Variants in TACC2 observed in about 807,000 individuals in gnomAD.
The protein encoded by TACC2 is transforming acidic coiled-coil containing protein 2.
Under a neutral mutation model 227.3 loss-of-function variants are expected in TACC2, and 137 were observed. The ratio of observed to expected loss-of-function variants is 0.60; its 90% CI spans 0.52 to 0.69. TACC2 has a LOEUF of 0.69. Among genes scored for constraint, TACC2 ranks in the 30% least tolerant of loss-of-function variants. The pLI, the probability that TACC2 is intolerant of heterozygous loss-of-function variation, is 0.00. For synonymous variants in TACC2, 1,523 were observed against 1,487.5 expected (o/e 1.02, Z -0.55); for missense variants, 3,470 against 3,694.4 (o/e 0.94, Z 1.57).
intron 5 of TACC2, among the ~76,000 whole-genome samples, chr10:122,119,944 G>GA (rs1736748518): frequency 1.5e-5 from 2 of 137,406 alleles, no homozygotes; most frequent in Admixed American, 7.3e-5. Context: ...AAAAGAAAAA[G>GA]AAAAAAAGGA....
intron 14 of TACC2, 63 bp downstream of exon 14, chr10:122,228,071 AC>A: frequency 6.5e-7 from 1 of 1,532,784 alleles, no homozygotes; most frequent in South Asian, 1.2e-5. Flanking sequence ...GCGTATTGTC[AC>A]CAAGAAGGCC....
At chr10:122,010,719 A>G (rs1158726421) in intron 1 of TACC2, among the ~76,000 whole-genome samples, 1 of 152,226 alleles carries the variant, frequency 6.6e-6, no homozygotes, top group Non-Finnish European at 1.5e-5. Flanking sequence ...TTAGATCTTC[A>G]TGACTGCCAG....
At chr10:122,143,442 C>T in intron 6 of TACC2, 130 bp from the exon 7 acceptor site, 1 of 983,106 alleles carries the variant, frequency 1.0e-6, no homozygotes, top group Non-Finnish European at 1.4e-6. Context: ...AGCCGGGGAG[C>T]CAAGTGCTGG....
chr10:121,992,087 T>G (rs12264894), intron 1 of TACC2, among the ~76,000 whole-genome samples: 23,021 of 152,164 alleles, frequency 0.15, 2,168 homozygotes, highest in Admixed American at 0.24. Flanking sequence ...TAAGATGAGA[T>G]CCGGGTGGGG....
intron 10 of TACC2, among the ~76,000 whole-genome samples, chr10:122,216,424 A>G (rs2095408449): frequency 6.6e-6 from 1 of 150,880 alleles, no homozygotes; most frequent in Non-Finnish European, 1.5e-5. Flanking sequence ...GAAACAAACC[A>G]TCATAAAAGG....
At chr10:122,132,509 A>C in intron 5 of TACC2, 100 bp from the exon 6 acceptor site, 1 of 1,433,472 alleles carries the variant, frequency 7.0e-7, no homozygotes, top group South Asian at 1.2e-5. Flanking sequence ...AGATCGCGCC[A>C]TTGCCCTCCA....
intron 11 of TACC2, among the ~76,000 whole-genome samples, chr10:122,224,102 A>C (rs1439438053): frequency 6.6e-6 from 1 of 152,200 alleles, no homozygotes; most frequent in African/African-American, 2.4e-5. Context: ...AATTTGAAAC[A>C]GGTCATTTCT....
chr10:122,105,831 C>T (rs187882280), intron 5 of TACC2, among the ~76,000 whole-genome samples: 397 of 151,512 alleles, frequency 2.6e-3, no homozygotes, highest in African/African-American at 9.2e-3. Context: ...CCACGTTGGC[C>T]AGGTTGGTCT....
chr10:122,085,540 C>T lies in TACC2; in HGVS notation c.3040C>T (p.His1014Tyr). 2 of 1,613,376 alleles carry T rather than the reference C, an allele frequency of 1.2e-6. No individual in the cohort carries two copies. The highest frequency in any genetic ancestry group is 1.7e-6 in the Non-Finnish European group (2 of 1,180,046). Residue 1014 changes from histidine (H) to tyrosine (Y), a missense_variant, in exon 4 of 23, where the codon CAT becomes TAT. By Grantham distance (83) the His-to-Tyr change is moderately conservative (BLOSUM62 2). Coordinates refer to ENST00000369005, the MANE Select transcript of TACC2 (RefSeq NM_206862.4). Reference protein sequence around the residue: ...GSQHEEACQRHPGASEAADGC... With the variant: ...GSQHEEACQRYPGASEAADGC... Reference sequence around the variant, plus strand: ...CCAGCATGAAGAAGCATGTCAAAGGCATCCAGGAGCTTCTGAAGCAGCTGA... The same window carrying T: ...CCAGCATGAAGAAGCATGTCAAAGGTATCCAGGAGCTTCTGAAGCAGCTGA...
chr10:122,139,210 C>T (rs11200428), intron 6 of TACC2, among the ~76,000 whole-genome samples: 6,190 of 152,320 alleles, frequency 0.041, 143 homozygotes, highest in South Asian at 0.08. Flanking sequence ...CGGGCTCTCT[C>T]TGTGAAGGTA....
chr10:122,002,915 G>A (rs1444244275), intron 1 of TACC2, among the ~76,000 whole-genome samples: 1 of 151,930 alleles, frequency 6.6e-6, no homozygotes, highest in Non-Finnish European at 1.5e-5. Flanking sequence ...TAAGAATTAG[G>A]CTTTTGTCTG....
chr10:122,045,980 T>TG (rs11440881), intron 2 of TACC2, among the ~76,000 whole-genome samples: 152,200 of 152,202 alleles, frequency 1, 76,099 homozygotes, highest in Non-Finnish European at 1. Flanking sequence ...GAGACCAGCC[T>TG]GCCAACATGG....
At chr10:122,228,346 G>A (rs1029336487) in intron 14 of TACC2, among the ~76,000 whole-genome samples, 4 of 152,166 alleles carry the variant, frequency 2.6e-5, no homozygotes, top group African/African-American at 9.7e-5. Context: ...GATGGCAGAG[G>A]GCAAGGGACC....
At position 122,061,285 on chromosome 10, in the gene TACC2, C is replaced by CAAAA. The variant is rs58324245; in HGVS notation, c.146+10753_146+10756dup. On this transcript the variant is annotated intron_variant, in intron 3 of 22. Coordinates refer to ENST00000369005, the MANE Select transcript of TACC2 (RefSeq NM_206862.4). ...GAGATGGCGCCACTGCACTCCGTCT[C>CAAAA]AAAAAAAAAAAAAAAAAAAAAGGAG... Among the ~76,000 whole-genome samples the CAAAA allele has an allele frequency of 1.7e-3, 142 of 84,882 alleles. 1 individual carries two copies. The highest frequency in any genetic ancestry group is 2.8e-3 in the African/African-American group (62 of 21,878). The allele number at this position is 84,882 out of a possible 152,430, so 55.7% of individuals were successfully genotyped here.
intron 5 of TACC2, among the ~76,000 whole-genome samples, chr10:122,123,383 C>A (rs2086217998): frequency 6.6e-6 from 1 of 152,156 alleles, no homozygotes. Context: ...CACTTGTCCA[C>A]CCATTTTCCA....
At chr10:122,129,960 C>T (rs1467481405) in intron 5 of TACC2, among the ~76,000 whole-genome samples, 1 of 152,204 alleles carries the variant, frequency 6.6e-6, no homozygotes, top group Admixed American at 6.5e-5. Context: ...ATGCCAAAGG[C>T]ACTTTATGGC....
intron 9 of TACC2, among the ~76,000 whole-genome samples, chr10:122,214,198 C>T (rs2095354583): frequency 1.3e-5 from 2 of 152,308 alleles, no homozygotes; most frequent in East Asian, 3.9e-4. Flanking sequence ...AGACTCTCTT[C>T]TGCCCAAGGG....
In TACC2 at chr10:122,083,684, G is replaced by A. The variant is rs747138914; in HGVS notation, c.1184G>A (p.Gly395Asp). The A allele has an allele frequency of 2.4e-5, 38 of 1,612,424 alleles. No individual in the cohort carries two copies. Among genetic ancestry groups the A allele is most frequent in the Admixed American group, 5.0e-5 (3 of 60,020 alleles). The change falls in exon 4 of 23, where the codon GGC becomes GAC. Residue 395 changes from glycine to aspartate, a missense_variant. Physicochemically the swap from Gly to Asp is moderately conservative, Grantham distance 94. Coordinates refer to ENST00000369005, the MANE Select transcript of TACC2 (RefSeq NM_206862.4). ...CAAGTTGTCTGTGTGGCAGCAGGCG[G>A]CCAGCCCGAAGGGGGTTTGCCTGTG... ...PNQVVCVAAG[G>D]QPEGGLPVSP...
chr10:122,197,392 G>C (rs1008188038), intron 8 of TACC2, among the ~76,000 whole-genome samples: 1 of 152,242 alleles, frequency 6.6e-6, no homozygotes, highest in Non-Finnish European at 1.5e-5. Context: ...TTCCCAGTCC[G>C]ACATCCTGCC....
Sources: allele counts gnomAD v4.1 joint callset (sites outside exome capture counted in the v4.1 genomes callset), GRCh38; gene constraint gnomAD v4.1.1; transcripts MANE v1.5; gene names NCBI Gene and HGNC (gene_info 2026-07-23, HGNC 2026-07-21).